SPTBN1: variants seen among roughly 807,000 people sequenced by gnomAD.
The protein encoded by SPTBN1 is spectrin beta, non-erythrocytic 1.
In SPTBN1, 32 loss-of-function variants were observed where a neutral mutation model predicts 266.4. The ratio of observed to expected loss-of-function variants is 0.12; its 90% confidence interval spans 0.09 to 0.16. The LOEUF (loss-of-function observed/expected upper bound fraction) is 0.16, where lower values mean the gene tolerates loss of function less well. SPTBN1 is among the 10% of genes least tolerant of loss of function. The pLI is 1.00. For missense variants in SPTBN1, 2,296 were observed against 3,067.1 expected (o/e 0.75, Z 5.94); for synonymous variants, 1,336 against 1,162.2 (o/e 1.15, Z -3.04).
rs1383867912 is a variant in SPTBN1, at chr2:54,632,619, A to G, written c.3618A>G (p.Ala1206=). The change falls in exon 17 of 36, where the codon GCA becomes GCG. Residue 1206 remains alanine (A), a synonymous_variant. Coordinates refer to ENST00000356805, the MANE Select transcript of SPTBN1 (RefSeq NM_003128.3). ...EMPTTLEGAE[A]AIKKQEDFMT... is the part of the protein sequence containing the mutation. The stretch of plus-strand genomic sequence containing the variant: ...CTACCACCTTGGAAGGAGCTGAAGC[A>G]GCAATTAAAAAGCAAGAGGACTTCA... 3.7e-6 allele frequency: 6 copies of G among 1,614,138 alleles called. No homozygotes were observed. In the Admixed American group the frequency reaches 8.3e-5, roughly 22 times the overall value.
intron 17 of SPTBN1, among the ~76,000 whole-genome samples, chr2:54,636,619 G>C (rs1332876351): frequency 6.6e-6 from 1 of 152,210 alleles, no homozygotes; most frequent in East Asian, 1.9e-4. Context: ...CTCTTACTCA[G>C]CGTGTTGGAG....
intron 2 of SPTBN1, among the ~76,000 whole-genome samples, chr2:54,596,546 T>C (rs915956508): frequency 2.6e-4 from 40 of 151,948 alleles, no homozygotes; most frequent in Admixed American, 2.6e-3. Context: ...AACGTGGGGG[T>C]GTGAACCTGA....
At position 54,665,990 on chromosome 2, in the gene SPTBN1, T is replaced by C. The variant is rs1681342543; in HGVS notation, c.6735T>C (p.Ser2245=). 9 of 1,614,200 alleles carry C rather than the reference T, an allele frequency of 5.6e-6. No homozygotes were observed. The East Asian group carries it at 2.0e-4, about 36-fold the overall frequency. The change falls in exon 34 of 36, where the codon TCT becomes TCC. Residue 2245 remains serine, a synonymous_variant. Transcript: ENST00000356805. ...ACAAAGATGCAAAGACTGCTGCTTC[T>C]GGAATTCCCTACCACAGCGAGGTCC... The part of the protein sequence containing the change: ...GFYKDAKTAA[S]GIPYHSEVPV...
At chr2:54,630,264 C>T (rs367754816) in intron 15 of SPTBN1, among the ~76,000 whole-genome samples, 5 of 152,310 alleles carry the variant, frequency 3.3e-5, no homozygotes, top group Non-Finnish European at 4.4e-5. Context: ...ATCTGCCCCT[C>T]GCCACACCAA....
rs183741680 is a variant in SPTBN1 at position 54,504,098 on chromosome 2, A to C, written c.-47-22274A>C. The stretch of plus-strand genomic sequence containing the variant: ...GCACTGGGTGGGACTGACTTGTTCA[A>C]ATCTCCGTTAAAGCAAATGTCTGAT... On this transcript the variant is annotated intron_variant, in intron 1 of 35. Transcript: ENST00000356805. Among the ~76,000 whole-genome samples, 344 of 152,324 alleles carry C rather than the reference A, an allele frequency of 2.3e-3. 1 individual carries two copies. The highest frequency in any genetic ancestry group is 5.9e-3 in the Admixed American group (90 of 15,298).
intron 1 of SPTBN1, among the ~76,000 whole-genome samples, chr2:54,522,651 A>AGAGAGAG (rs1670516631): frequency 1.8e-5 from 1 of 56,816 alleles, no homozygotes; most frequent in African/African-American, 1.1e-4. Flanking sequence ...AAAGAAAGAG[A>AGAGAGAG]GAGAGAAAGA....
chr2:54,487,832 C>CTTTTTTTTTTTT (rs70944169), intron 1 of SPTBN1, among the ~76,000 whole-genome samples: 8,880 of 68,484 alleles, frequency 0.13, 2,812 homozygotes, highest in African/African-American at 0.32. Flanking sequence ...CCTCCTGTGT[C>CTTTTTTTTTTTT]TTTTTTTTTT....
At chr2:54,518,909 A>AT (rs891459455) in intron 1 of SPTBN1, among the ~76,000 whole-genome samples, 8 of 152,170 alleles carry the variant, frequency 5.3e-5, no homozygotes, top group Non-Finnish European at 1.0e-4. Flanking sequence ...ACAAAAAATA[A>AT]TTTTTTTACA....
Position 54,645,553 on chromosome 2 carries a change from G to T in SPTBN1, c.4494+100G>T. ...CTCAGTCATCCTCACCTTGGGCCAC[G>T]TTGGCAAGCTGAGCTGCCAAAGTCC... On this transcript the variant is annotated intron_variant, in intron 21 of 35. Transcript: ENST00000356805. This position sits in a 1 kb window ranked among gnomAD's most constrained non-coding sequence, Gnocchi z 4.3. 1 of 1,319,002 alleles carries T rather than the reference G, an allele frequency of 7.6e-7. No individual in the cohort carries two copies. The allele number at this position is 1,319,002 out of a possible 1,614,324, so 81.7% of individuals were successfully genotyped here. A position where few individuals can be genotyped will look rare whatever the true frequency, so the allele number is the denominator to read the frequency against.
intron 1 of SPTBN1, among the ~76,000 whole-genome samples, chr2:54,518,978 C>T (rs1670271420): frequency 6.6e-6 from 1 of 152,092 alleles, no homozygotes; most frequent in Admixed American, 6.5e-5. Flanking sequence ...TGGAGAGGCA[C>T]CTTATAAAAT....
chr2:54,668,337 C>G lies in SPTBN1; in HGVS notation c.6877-14C>G. ...TCTTAGTTGAGTCTCACCTGTGTCC[C>G]TTCCTCTGTCCAGGAGGAAATGAAC... On this transcript the variant is annotated splice_polypyrimidine_tract_variant and intron_variant, in intron 35 of 35. Coordinates refer to ENST00000356805, the MANE Select transcript of SPTBN1 (RefSeq NM_003128.3). 6.2e-7 allele frequency: 1 copy of G among 1,611,646 alleles called. No individual in the cohort carries two copies. The highest frequency in any genetic ancestry group is 2.2e-5 in the East Asian group (1 of 44,860).
intron 1 of SPTBN1, among the ~76,000 whole-genome samples, chr2:54,490,755 G>A (rs1320309141): frequency 6.6e-6 from 1 of 152,192 alleles, no homozygotes; most frequent in Non-Finnish European, 1.5e-5. Context: ...GGATGAGGCT[G>A]GAGGTGACTC....
At chr2:54,490,261 A>T (rs1257200141) in intron 1 of SPTBN1, among the ~76,000 whole-genome samples, 1 of 152,024 alleles carries the variant, frequency 6.6e-6, no homozygotes, top group Non-Finnish European at 1.5e-5. Flanking sequence ...TAGTAGAGAC[A>T]GGGTTTCACC....
At chr2:54,630,743 G>T (rs1572713137) in intron 15 of SPTBN1, 112 bp from the exon 16 acceptor site, 1 of 1,323,962 alleles carries the variant, frequency 7.6e-7, no homozygotes, top group African/African-American at 1.5e-5. Flanking sequence ...TGTAGTCAAA[G>T]CACAGATGGA....
chr2:54,646,507 G>T lies in SPTBN1; in HGVS notation c.4866+32G>T. The T allele has an allele frequency of 1.4e-6, 2 of 1,465,516 alleles. No homozygotes were observed. The highest frequency in any genetic ancestry group is 1.5e-5 in the South Asian group (1 of 65,818). 90.8% of individuals were successfully genotyped at this position (1,465,516 alleles called of 1,614,324 possible). A position where few individuals can be genotyped will look rare whatever the true frequency, so the allele number is the denominator to read the frequency against. Reference sequence around the variant, plus strand: ...GGAGGCGGGAAGCATCCCTGTCCCAGGAGAGCCTCAGATTCAAACCCTGGG... The same window carrying T: ...GGAGGCGGGAAGCATCCCTGTCCCATGAGAGCCTCAGATTCAAACCCTGGG... On this transcript the variant is annotated intron_variant, in intron 23 of 35. Transcript: ENST00000356805. The surrounding 1 kb of genome is among the most constrained non-coding windows in gnomAD (Gnocchi z 4.4).
chr2:54,638,034 C>T (rs1679269195), intron 18 of SPTBN1, among the ~76,000 whole-genome samples: 1 of 152,214 alleles, frequency 6.6e-6, no homozygotes, highest in African/African-American at 2.4e-5. Context: ...TAGTACTGCA[C>T]TGTTCATTAC....
intron 2 of SPTBN1, among the ~76,000 whole-genome samples, chr2:54,543,986 G>T (rs919106056): frequency 2.6e-5 from 4 of 152,150 alleles, no homozygotes; most frequent in Non-Finnish European, 5.9e-5. Flanking sequence ...CTGTAGTTAG[G>T]TATAAGGGGA....
chr2:54,663,127 A>G (rs1681163488), intron 32 of SPTBN1: 1 of 152,196 alleles, frequency 6.6e-6, no homozygotes, highest in Non-Finnish European at 1.5e-5. Flanking sequence ...CATTGGGCCC[A>G]GCCATTAAGA....
At chr2:54,566,467 C>A (rs1038178519) in intron 2 of SPTBN1, among the ~76,000 whole-genome samples, 3 of 152,076 alleles carry the variant, frequency 2.0e-5, no homozygotes, top group African/African-American at 7.2e-5. Context: ...GAATTATAAG[C>A]GTGAGCCACT....
Sources: gnomAD v4.1 joint callset for allele counts (sites outside exome capture counted in the v4.1 genomes callset) on GRCh38, gnomAD v4.1.1 for gene constraint, Gnocchi (gnomAD v3.1) non-coding constraint, MANE v1.5 for transcripts, NCBI Gene and HGNC (gene_info 2026-07-23, HGNC 2026-07-21) for gene names.